BCKDHB: variants seen among roughly 807,000 people sequenced by gnomAD.
BCKDHB encodes the protein 2-oxoisovalerate dehydrogenase subunit beta, mitochondrial.
BCKDHB carries 41 observed loss-of-function variants against 48.5 expected under a neutral mutation model. That is an observed-to-expected ratio of 0.85 (90% CI 0.66 to 1.10). BCKDHB has a LOEUF of 1.10. Among genes scored for constraint, BCKDHB ranks in the 50% least tolerant of loss-of-function variants. BCKDHB has a pLI of 0.00. For synonymous variants in BCKDHB, 201 were observed against 174.8 expected, an observed-to-expected ratio of 1.15 and a Z score of -1.18; for missense variants, 496 against 494.2, an observed-to-expected ratio of 1.00 and a Z score of -0.03.
chr6:80,314,927 C>T (rs1469542522), intron 9 of BCKDHB, among the ~76,000 whole-genome samples: 2 of 152,124 alleles, frequency 1.3e-5, no homozygotes, highest in African/African-American at 4.8e-5. Context: ...TCATCCAGAC[C>T]GTTTGTACTC....
chr6:80,283,246 A>G (rs892517438), intron 9 of BCKDHB, among the ~76,000 whole-genome samples: 6 of 152,124 alleles, frequency 3.9e-5, no homozygotes, highest in South Asian at 4.1e-4. Flanking sequence ...TGTAATTGAT[A>G]CTAACATTGG....
the BCKDHB span, among the ~76,000 whole-genome samples, chr6:80,418,165 G>A: frequency 6.6e-6 from 1 of 152,102 alleles, no homozygotes; most frequent in Non-Finnish European, 1.5e-5. Context: ...CTTGTATTGT[G>A]TTTTTCACCT....
chr6:80,419,129 G>T, the BCKDHB span, among the ~76,000 whole-genome samples: 1 of 152,146 alleles, frequency 6.6e-6, no homozygotes, highest in Non-Finnish European at 1.5e-5. Context: ...GGGGAGGTGG[G>T]ACAGCCTGCA....
intron 9 of BCKDHB, among the ~76,000 whole-genome samples, chr6:80,281,193 A>G (rs779668586): frequency 2.6e-5 from 4 of 152,084 alleles, no homozygotes; most frequent in Non-Finnish European, 5.9e-5. Context: ...GTTCATGGGT[A>G]TAGATAGGGT....
chr6:80,294,077 T>A (rs1685931879), intron 9 of BCKDHB, among the ~76,000 whole-genome samples: 1 of 152,182 alleles, frequency 6.6e-6, no homozygotes, highest in African/African-American at 2.4e-5. Context: ...AACCTCTGCC[T>A]ATTACCCAAT....
rs903746027 is a variant in BCKDHB, at chr6:80,164,873, C to T, written c.344-2805C>T. ...AATTGCATTATAAGATAGAGGAAGT[C>T]ATCAATATTGTGTGTCTTATTTGTG... is the stretch of plus-strand genomic sequence containing the variant. On this transcript the variant is annotated intron_variant, in intron 3 of 9. Coordinates refer to ENST00000320393, the MANE Select transcript of BCKDHB (RefSeq NM_183050.4). Among the ~76,000 whole-genome samples, 4 of 152,112 alleles carry T rather than the reference C, an allele frequency of 2.6e-5. No individual in the cohort carries two copies. The East Asian group carries it at 7.7e-4, about 29-fold the overall frequency.
At chr6:80,171,150 G>T in intron 5 of BCKDHB, 132 bp from the exon 6 acceptor site, 1 of 604,152 alleles carries the variant, frequency 1.7e-6, no homozygotes, top group Non-Finnish European at 3.0e-6. Context: ...GTGATAATTA[G>T]GCTTAAAATA....
At chr6:80,445,661 C>A in the BCKDHB span, among the ~76,000 whole-genome samples, 1 of 152,146 alleles carries the variant, frequency 6.6e-6, no homozygotes, top group Non-Finnish European at 1.5e-5. Context: ...AGACTTGTAG[C>A]AGATACATCT....
chr6:80,411,263 C>T, the BCKDHB span, among the ~76,000 whole-genome samples: 4 of 152,188 alleles, frequency 2.6e-5, no homozygotes, highest in African/African-American at 7.2e-5. Flanking sequence ...GCCTAGGTAT[C>T]ACCAGCAGAG....
At chr6:80,460,935 C>T in the BCKDHB span, among the ~76,000 whole-genome samples, 20 of 152,224 alleles carry the variant, frequency 1.3e-4, no homozygotes, top group East Asian at 3.3e-3. Context: ...TCCTCACTCT[C>T]AAAGAGATTC....
the BCKDHB span, among the ~76,000 whole-genome samples, chr6:80,445,085 C>G: frequency 1.3e-5 from 2 of 152,126 alleles, no homozygotes; most frequent in African/African-American, 4.8e-5. Flanking sequence ...TAGTATGAGG[C>G]AAACACTTCC....
intron 6 of BCKDHB, among the ~76,000 whole-genome samples, chr6:80,177,225 CAAAAAAAAAAAA>C (rs575991853): frequency 7.0e-5 from 3 of 43,160 alleles, no homozygotes; most frequent in East Asian, 6.2e-4. Flanking sequence ...GACCTTGTCT[CAAAAAAAAAAAA>C]AAAAAAAAAA....
intron 8 of BCKDHB, among the ~76,000 whole-genome samples, chr6:80,243,676 G>A (rs1482355454): frequency 6.6e-6 from 1 of 152,070 alleles, no homozygotes; most frequent in Non-Finnish European, 1.5e-5. Context: ...GGGACCACAG[G>A]TGTGCACTTC....
At chr6:80,320,241 T>C (rs964857157) in intron 9 of BCKDHB, among the ~76,000 whole-genome samples, 5 of 152,198 alleles carry the variant, frequency 3.3e-5, no homozygotes, top group African/African-American at 1.2e-4. Context: ...TAGACAAATA[T>C]CTTTTTAAAA....
At chr6:80,108,413 C>T (rs1173881080) in intron 1 of BCKDHB, among the ~76,000 whole-genome samples, 1 of 150,002 alleles carries the variant, frequency 6.7e-6, no homozygotes, top group Non-Finnish European at 1.5e-5. Flanking sequence ...GAGAAATAGT[C>T]CAACTTTCCA....
chr6:80,444,448 C>G, the BCKDHB span, among the ~76,000 whole-genome samples: 2 of 151,922 alleles, frequency 1.3e-5, no homozygotes, highest in South Asian at 4.2e-4. Flanking sequence ...TCTGGTTTGC[C>G]TAACATTATC....
intron 8 of BCKDHB, among the ~76,000 whole-genome samples, chr6:80,226,024 T>G (rs981359991): frequency 6.6e-6 from 1 of 152,252 alleles, no homozygotes; most frequent in African/African-American, 2.4e-5. Flanking sequence ...TAAAGTTTAC[T>G]CTTAATCCTT....
intron 9 of BCKDHB, among the ~76,000 whole-genome samples, chr6:80,290,332 C>G (rs908508265): frequency 5.9e-5 from 9 of 152,160 alleles, no homozygotes; most frequent in African/African-American, 2.2e-4. Flanking sequence ...CCTGCAGCCC[C>G]TGATCAAGAA....
intron 8 of BCKDHB, among the ~76,000 whole-genome samples, chr6:80,272,381 A>T (rs529390284): frequency 6.6e-6 from 1 of 152,298 alleles, no homozygotes; most frequent in South Asian, 2.1e-4. Flanking sequence ...TGGTACTATG[A>T]TAATTTTTCA....
Sources: gnomAD v4.1 joint callset for allele counts (sites outside exome capture counted in the v4.1 genomes callset) on GRCh38, gnomAD v4.1.1 for gene constraint, MANE v1.5 for transcripts, NCBI Gene and HGNC (gene_info 2026-07-23, HGNC 2026-07-21) for gene names.